Variants in CACNB2 observed in about 807,000 individuals in gnomAD.
CACNB2 encodes the protein calcium voltage-gated channel auxiliary subunit beta 2, also known as voltage-dependent L-type calcium channel subunit beta-2.
A neutral mutation model predicts 73.3 loss-of-function variants in CACNB2; 42 were observed. The ratio of observed to expected loss-of-function variants is 0.57; its 90% CI spans 0.45 to 0.74. CACNB2 has a LOEUF of 0.74. Among genes scored for constraint, CACNB2 ranks in the 30% least tolerant of loss-of-function variants. The pLI, the probability that CACNB2 is intolerant of heterozygous loss-of-function variation, is 0.00. For synonymous variants in CACNB2, 348 were observed against 310.3 expected (o/e 1.12, Z -1.28); for missense variants, 940 against 853.0 (o/e 1.10, Z -1.27).
chr10:18,194,971 T>C (rs569558860), intron 2 of CACNB2, among the ~76,000 whole-genome samples: 15 of 152,336 alleles, frequency 9.8e-5, no homozygotes, highest in African/African-American at 3.6e-4. Context: ...AAATTCAGCA[T>C]TTGGAGACCT....
intron 2 of CACNB2, among the ~76,000 whole-genome samples, chr10:18,178,784 A>T (rs986250597): frequency 2.6e-5 from 4 of 152,232 alleles, no homozygotes; most frequent in Non-Finnish European, 5.9e-5. Context: ...GGAGACTGCC[A>T]GGAGAGCTGC....
At chr10:18,400,289 A>C (rs555281451) in intron 2 of CACNB2, among the ~76,000 whole-genome samples, 1 of 152,358 alleles carries the variant, frequency 6.6e-6, no homozygotes, top group African/African-American at 2.4e-5. Context: ...CTTGTGGTAT[A>C]GGACACACTT....
At position 18,323,081 on chromosome 10, in the gene CACNB2, T is replaced by G. The variant is rs137969473; in HGVS notation, c.214-78843T>G. ...GGGTTCAAGCAGTCTCCAGCCTCAG[T>G]TTCCTGAGTAGCTGGGACTACAGGC... On this transcript the variant is annotated intron_variant, in intron 2 of 13. Coordinates refer to ENST00000324631, the MANE Select transcript of CACNB2 (RefSeq NM_201596.3). Among the ~76,000 whole-genome samples the G allele has an allele frequency of 8.9e-3, 1,341 of 150,932 alleles. 73 individuals are homozygous for G. Among genetic ancestry groups the G allele is most frequent in the Admixed American group, 0.084 (1,269 of 15,094 alleles).
At chr10:18,290,116 T>TC (rs2039000654) in intron 2 of CACNB2, among the ~76,000 whole-genome samples, 2 of 114,238 alleles carry the variant, frequency 1.8e-5, no homozygotes, top group African/African-American at 4.5e-5. Context: ...CTTTTTCTTT[T>TC]TTTTTTTTTT....
intron 2 of CACNB2, among the ~76,000 whole-genome samples, chr10:18,162,453 G>A (rs2131099017): frequency 6.6e-6 from 1 of 152,298 alleles, no homozygotes; most frequent in Non-Finnish European, 1.5e-5. Flanking sequence ...GTTCACCAAT[G>A]TGTGGATCGT....
At chr10:18,286,374 C>T (rs2038793165) in intron 2 of CACNB2, among the ~76,000 whole-genome samples, 1 of 151,868 alleles carries the variant, frequency 6.6e-6, no homozygotes, top group South Asian at 2.1e-4. Flanking sequence ...AAAAATTAGC[C>T]AGGCGCGGTG....
intron 3 of CACNB2, among the ~76,000 whole-genome samples, chr10:18,497,493 C>A (rs1371379501): frequency 6.6e-6 from 1 of 152,060 alleles, no homozygotes; most frequent in Non-Finnish European, 1.5e-5. Flanking sequence ...GATCATGGCT[C>A]ACTGCAGCAT....
intron 3 of CACNB2, among the ~76,000 whole-genome samples, chr10:18,442,823 T>TAA (rs201439887): frequency 3.8e-5 from 5 of 130,426 alleles, no homozygotes; most frequent in Admixed American, 7.9e-5. Context: ...GACTCCACCT[T>TAA]AAAAAAAAAA....
At chr10:18,184,537 A>T (rs988899974) in intron 2 of CACNB2, among the ~76,000 whole-genome samples, 6 of 151,462 alleles carry the variant, frequency 4.0e-5, no homozygotes, top group African/African-American at 1.2e-4. Flanking sequence ...AAATTTTCTC[A>T]GTTTTTCCTT....
At chr10:18,458,103 T>G (rs2047377498) in intron 3 of CACNB2, among the ~76,000 whole-genome samples, 1 of 152,220 alleles carries the variant, frequency 6.6e-6, no homozygotes, top group African/African-American at 2.4e-5. Context: ...GCTATCTCAT[T>G]GTCTTTTATG....
intron 3 of CACNB2, among the ~76,000 whole-genome samples, chr10:18,419,446 T>TGACA (rs2045197861): frequency 6.6e-6 from 1 of 152,078 alleles, no homozygotes; most frequent in Non-Finnish European, 1.5e-5. Flanking sequence ...AGAGAGAAGG[T>TGACA]GACACGGAGC....
intron 3 of CACNB2, among the ~76,000 whole-genome samples, chr10:18,438,902 C>G (rs796087953): frequency 6.6e-6 from 1 of 152,198 alleles, no homozygotes. Flanking sequence ...TACAGCTCTT[C>G]CAAAGCAGAA....
At chr10:18,167,994 T>C (rs1272219883) in intron 2 of CACNB2, among the ~76,000 whole-genome samples, 3 of 152,220 alleles carry the variant, frequency 2.0e-5, no homozygotes, top group Non-Finnish European at 4.4e-5. Flanking sequence ...GTGGAAATTC[T>C]GGTGAAGCCA....
intron 3 of CACNB2, among the ~76,000 whole-genome samples, chr10:18,484,821 A>G (rs10828766): frequency 0.47 from 71,739 of 152,054 alleles, 17,184 homozygotes; most frequent in South Asian, 0.67. Flanking sequence ...ATAAATATCT[A>G]TATACACTTG....
At chr10:18,301,888 C>T (rs2039531717) in intron 2 of CACNB2, among the ~76,000 whole-genome samples, 1 of 151,848 alleles carries the variant, frequency 6.6e-6, no homozygotes, top group Non-Finnish European at 1.5e-5. Context: ...ACCTCGTGAT[C>T]CTCCCACCTT....
chr10:18,502,350 T>G (rs1006224615), intron 5 of CACNB2, among the ~76,000 whole-genome samples: 1 of 149,950 alleles, frequency 6.7e-6, no homozygotes, highest in Non-Finnish European at 1.5e-5. Context: ...GCAACATGGA[T>G]GGAGCCGGAG....
At chr10:18,528,233 A>C (rs966516848) in intron 10 of CACNB2, among the ~76,000 whole-genome samples, 3 of 152,204 alleles carry the variant, frequency 2.0e-5, no homozygotes, top group African/African-American at 7.2e-5. Flanking sequence ...ATTCCTGGCT[A>C]TATTTATTGA....
chr10:18,435,950 G>A (rs2046116003), intron 3 of CACNB2, among the ~76,000 whole-genome samples: 2 of 152,220 alleles, frequency 1.3e-5, no homozygotes, highest in African/African-American at 4.8e-5. Flanking sequence ...GAGCATCTGT[G>A]AGCCCAGAAC....
intron 2 of CACNB2, among the ~76,000 whole-genome samples, chr10:18,314,870 A>T (rs531742383): frequency 1.3e-5 from 2 of 152,016 alleles, no homozygotes; most frequent in South Asian, 4.1e-4. Context: ...ATTAAAAAAC[A>T]CTTACACTAA....
Sources: gnomAD v4.1 joint callset for allele counts (sites outside exome capture counted in the v4.1 genomes callset) on GRCh38, gnomAD v4.1.1 for gene constraint, MANE v1.5 for transcripts, NCBI Gene and HGNC (gene_info 2026-07-23, HGNC 2026-07-21) for gene names.